Variants in ARHGAP19 observed in about 807,000 individuals in gnomAD.
ARHGAP19 encodes rho GTPase-activating protein 19.
A neutral mutation model predicts 60.9 loss-of-function variants in ARHGAP19; 48 were observed. That is an observed-to-expected ratio of 0.79 (90% CI 0.62 to 1.00). The LOEUF is 1.00. Ranked by LOEUF, ARHGAP19 falls within the 50% of genes least tolerant of loss-of-function variation. ARHGAP19 has a pLI of 0.00. For synonymous variants in ARHGAP19, 209 were observed against 215.5 expected (o/e 0.97, Z 0.27); for missense variants, 562 against 597.2 (o/e 0.94, Z 0.61).
chr10:97,259,305 G>A (rs1371688560), intron 5 of ARHGAP19, 97 bp downstream of exon 5: 2 of 985,532 alleles, frequency 2.0e-6, no homozygotes, highest in African/African-American at 1.6e-5. Flanking sequence ...CTGAAGGCTA[G>A]ACCTTGGACC....
At chr10:97,290,537 G>T (rs947193419) in intron 1 of ARHGAP19, among the ~76,000 whole-genome samples, 3 of 152,068 alleles carry the variant, frequency 2.0e-5, no homozygotes, top group Non-Finnish European at 2.9e-5. Context: ...GAGAACCCCA[G>T]GTCAGAGAAC....
chr10:97,261,021 A>G (rs1484111380), intron 4 of ARHGAP19, among the ~76,000 whole-genome samples: 1 of 145,930 alleles, frequency 6.9e-6, no homozygotes, highest in African/African-American at 2.5e-5. Flanking sequence ...TTTTACAGCT[A>G]AAAGAAAAAT....
rs535174608 is a variant in ARHGAP19 at position 97,287,635 on chromosome 10, TGA to T, written c.56+4935_56+4936del. Among the ~76,000 whole-genome samples, 181 of 152,010 alleles carry T rather than the reference TGA, an allele frequency of 1.2e-3. 1 individual carries two copies. Among genetic ancestry groups the T allele is most frequent in the African/African-American group, 4.3e-3 (178 of 41,482 alleles). ...GCGCATGCCTGTAGTCCCAGCTACT[TGA>T]GAGGCTAAGGTGGAAGGATTGCTTG... On this transcript the variant is annotated intron_variant, in intron 1 of 11. Transcript: ENST00000358531.
chr10:97,227,999 T>C (rs1338016496), intron 11 of ARHGAP19, among the ~76,000 whole-genome samples: 1 of 152,160 alleles, frequency 6.6e-6, no homozygotes, highest in African/African-American at 2.4e-5. Flanking sequence ...CCTTCAAAAA[T>C]AACTTATGCT....
intron 8 of ARHGAP19, among the ~76,000 whole-genome samples, chr10:97,242,133 A>G (rs1474213027): frequency 6.6e-6 from 1 of 150,774 alleles, no homozygotes; most frequent in African/African-American, 2.4e-5. Context: ...AAAAGGAAAA[A>G]ATTTTAAAGT....
At chr10:97,253,145 T>G (rs951785971) in intron 6 of ARHGAP19, among the ~76,000 whole-genome samples, 1 of 151,976 alleles carries the variant, frequency 6.6e-6, no homozygotes. Flanking sequence ...TCCCAGCACT[T>G]TGGGAGGCCG....
chr10:97,231,682 C>G (rs1443985651), intron 9 of ARHGAP19, among the ~76,000 whole-genome samples: 1 of 152,074 alleles, frequency 6.6e-6, no homozygotes, highest in Non-Finnish European at 1.5e-5. Flanking sequence ...ATCTGTATAT[C>G]CAAGGTTTGT....
chr10:97,273,482 C>A (rs1842985848), intron 1 of ARHGAP19, among the ~76,000 whole-genome samples: 1 of 102,542 alleles, frequency 9.8e-6, no homozygotes, highest in African/African-American at 3.1e-5. Context: ...AATTTCTGCT[C>A]TCTTTTTTTT....
intron 8 of ARHGAP19, among the ~76,000 whole-genome samples, chr10:97,239,547 A>AGG (rs1564713426): frequency 1.8e-4 from 1 of 5,644 alleles, no homozygotes; most frequent in South Asian, 8.6e-3. Context: ...AGAGAGAGAG[A>AGG]GAGGGTGTGT....
At chr10:97,256,428 A>C (rs997663024) in intron 5 of ARHGAP19, 24 bp from the exon 6 acceptor site, 35 of 1,537,544 alleles carry the variant, frequency 2.3e-5, no homozygotes, top group Non-Finnish European at 2.9e-5. Context: ...AAGAAACCAA[A>C]CAATGGACAT....
Position 97,260,581 on chromosome 10 carries a change from T to C in ARHGAP19, c.614-953A>G, listed in dbSNP as rs1842817666. Among the ~76,000 whole-genome samples, 4 of 151,910 alleles carry C rather than the reference T, an allele frequency of 2.6e-5. No individual in the cohort carries two copies. The South Asian group carries it at 6.2e-4, about 24-fold the overall frequency. The stretch of plus-strand genomic sequence containing the variant: ...AAAAAACTATAAATCAAAACCACAA[T>C]GACATACCACTTCATATCCACTACA... On this transcript the variant is annotated intron_variant, in intron 4 of 11. Coordinates refer to ENST00000358531, the MANE Select transcript of ARHGAP19 (RefSeq NM_032900.6).
intron 9 of ARHGAP19, 97 bp downstream of exon 9, chr10:97,235,119 TC>T: frequency 8.7e-7 from 1 of 1,149,606 alleles, no homozygotes; most frequent in East Asian, 2.4e-5. Flanking sequence ...CTTTATAGGG[TC>T]CCCAAAAAAC....
intron 1 of ARHGAP19, among the ~76,000 whole-genome samples, chr10:97,266,752 G>C (rs7072078): frequency 2.0e-5 from 3 of 151,936 alleles, no homozygotes; most frequent in Admixed American, 1.3e-4. Context: ...GCAGGCAAGA[G>C]AGTGTGTGAA....
chr10:97,245,298 C>T (rs1327496047), intron 7 of ARHGAP19, among the ~76,000 whole-genome samples: 1 of 152,056 alleles, frequency 6.6e-6, no homozygotes, highest in East Asian at 1.9e-4. Context: ...TGAGCCACCA[C>T]ACTCGGCCAT....
intron 3 of ARHGAP19, among the ~76,000 whole-genome samples, chr10:97,264,587 G>A (rs949943952): frequency 1.3e-5 from 2 of 152,120 alleles, no homozygotes. Flanking sequence ...TGAGGCAAGA[G>A]GTAAATGTGA....
rs533711132 is a variant in ARHGAP19, at chr10:97,249,731, T to C, written c.928-3394A>G. Among the ~76,000 whole-genome samples the C allele has an allele frequency of 4.6e-5, 7 of 152,156 alleles. No individual in the cohort carries two copies. The South Asian group carries it at 1.5e-3, about 32-fold the overall frequency. ...TTAGGACAGCTGGGGAATTTGAATATGTACTGAAAGCTAGTTGATAAGAAA... is the reference window on the plus strand; with the variant it reads ...TTAGGACAGCTGGGGAATTTGAATACGTACTGAAAGCTAGTTGATAAGAAA... On this transcript the variant is annotated intron_variant, in intron 6 of 11. Transcript: ENST00000358531.
At chr10:97,231,223 C>T (rs1044181819) in intron 9 of ARHGAP19, among the ~76,000 whole-genome samples, 2 of 152,112 alleles carry the variant, frequency 1.3e-5, no homozygotes, top group Admixed American at 6.5e-5. Flanking sequence ...TAACGATGTT[C>T]GTTTTACTAG....
chr10:97,285,999 T>C (rs1843149833), intron 1 of ARHGAP19, among the ~76,000 whole-genome samples: 1 of 152,216 alleles, frequency 6.6e-6, no homozygotes, highest in Non-Finnish European at 1.5e-5. Context: ...TTCTGTTTTC[T>C]TCCTTCCCCT....
chr10:97,271,041 T>C (rs993926655), intron 1 of ARHGAP19, among the ~76,000 whole-genome samples: 10 of 152,034 alleles, frequency 6.6e-5, no homozygotes, highest in Non-Finnish European at 1.2e-4. Flanking sequence ...AAAAGCCAAA[T>C]TTAAAAACAT....
Sources: allele counts gnomAD v4.1 joint callset (sites outside exome capture counted in the v4.1 genomes callset), GRCh38; gene constraint gnomAD v4.1.1; transcripts MANE v1.5; gene names NCBI Gene and HGNC (gene_info 2026-07-23, HGNC 2026-07-21).